Variants in OGDH observed in about 807,000 individuals in gnomAD.
OGDH encodes oxoglutarate dehydrogenase.
In OGDH, 38 loss-of-function variants were observed where a neutral mutation model predicts 116.6. That is an observed-to-expected ratio of 0.33 (90% CI 0.25 to 0.43). The LOEUF (loss-of-function observed/expected upper bound fraction) is 0.43. Among genes scored for constraint, OGDH ranks in the 20% least tolerant of loss-of-function variants. OGDH has a pLI of 1.00. For synonymous variants in OGDH, 488 were observed against 533.3 expected (o/e 0.92, Z 1.17); for missense variants, 825 against 1,357.2 (o/e 0.61, Z 6.16).
At chr7:44,650,163 A>C (rs1404402306) in intron 4 of OGDH, among the ~76,000 whole-genome samples, 1 of 152,188 alleles carries the variant, frequency 6.6e-6, no homozygotes, top group Admixed American at 6.5e-5. Flanking sequence ...TCAGGTACAA[A>C]AAATGGAAAC....
intron 9 of OGDH, among the ~76,000 whole-genome samples, chr7:44,677,470 G>A (rs565666220): frequency 3.9e-5 from 6 of 152,270 alleles, no homozygotes; most frequent in African/African-American, 1.4e-4. Flanking sequence ...ATGTTTTCTG[G>A]AGATGAAAGG....
At chr7:44,671,767 CA>C (rs758716419) in intron 5 of OGDH, among the ~76,000 whole-genome samples, 4,992 of 51,226 alleles carry the variant, frequency 0.097, 86 homozygotes, top group East Asian at 0.17. Context: ...GACTGCGTCT[CA>C]AAAAAAAAAA....
Position 44,632,897 on chromosome 7 carries a change from T to G in OGDH, c.222+8332T>G, listed in dbSNP as rs951020338. Among the ~76,000 whole-genome samples the G allele has an allele frequency of 4.0e-5, 6 of 151,790 alleles. No individual in the cohort carries two copies. The South Asian group carries it at 6.2e-4, about 16-fold the overall frequency. The stretch of plus-strand genomic sequence containing the variant: ...GTTTTTAATGATTATCCTTTTGTAC[T>G]GTACTTTAAGAAAAAAAAAATTTTG... On this transcript the variant is annotated intron_variant, in intron 2 of 22. Transcript: ENST00000222673.
intron 1 of OGDH, among the ~76,000 whole-genome samples, chr7:44,621,464 G>T (rs1017138536): frequency 5.3e-5 from 8 of 152,340 alleles, no homozygotes; most frequent in African/African-American, 1.7e-4. Context: ...TGTTGGCTCT[G>T]TCGTTCTGTC....
intron 10 of OGDH, among the ~76,000 whole-genome samples, chr7:44,691,981 T>TAAAAAAAAAAAAAA (rs371665967): frequency 3.9e-5 from 4 of 102,608 alleles, no homozygotes; most frequent in African/African-American, 1.8e-4. Context: ...GACTCTGTCT[T>TAAAAAAAAAAAAAA]AAAAAAAAAA....
intron 2 of OGDH, among the ~76,000 whole-genome samples, chr7:44,640,119 T>A (rs896684940): frequency 1.3e-5 from 2 of 152,216 alleles, no homozygotes; most frequent in African/African-American, 2.4e-5. Context: ...GACCCTGACC[T>A]TGTGATCCCA....
At position 44,692,589 on chromosome 7, in the gene OGDH, G is replaced by A. The variant is rs749171884; in HGVS notation, c.1336-1236G>A. 3.3e-5 allele frequency among the ~76,000 whole-genome samples: 5 copies of A among 152,214 alleles called. No homozygotes were observed. The East Asian group carries it at 9.6e-4, about 29-fold the overall frequency. On this transcript the variant is annotated intron_variant, in intron 10 of 22. Coordinates refer to ENST00000222673, the MANE Select transcript of OGDH (RefSeq NM_002541.4). ...AACCGTTGGGATTTGTTCATGTTAG[G>A]TGAAGGCGTTAAGGATGAGCAGTGT...
At chr7:44,680,251 TTCTC>T (rs1440476864) in intron 9 of OGDH, among the ~76,000 whole-genome samples, 1 of 152,110 alleles carries the variant, frequency 6.6e-6, no homozygotes, top group Admixed American at 6.6e-5. Flanking sequence ...AAGAAAATCA[TTCTC>T]TCTCTCCCTC....
rs200113572 is a variant in OGDH, at chr7:44,624,291, G to GTTT, written c.-27-9_-27-7dup. The stretch of plus-strand genomic sequence containing the variant: ...CTCATTTTTAAAACCTTTCTTTCTT[G>GTTT]TTTTTTTTTTTTTTTTTTTGTACAG... On this transcript the variant is annotated intron_variant, in intron 1 of 22. Transcript: ENST00000222673. 1,122 of 760,026 alleles carry GTTT rather than the reference G, an allele frequency of 1.5e-3. 160 individuals are homozygous for GTTT. Among genetic ancestry groups the GTTT allele is most frequent in the South Asian group, 2.4e-3 (143 of 60,766 alleles). 47.1% of individuals were successfully genotyped at this position (760,026 alleles called of 1,614,324 possible).
intron 1 of OGDH, among the ~76,000 whole-genome samples, chr7:44,621,399 T>C (rs964005930): frequency 3.9e-5 from 6 of 152,168 alleles, no homozygotes; most frequent in African/African-American, 1.4e-4. Context: ...TGCCGTTTTA[T>C]GTAAGAGAGA....
intron 14 of OGDH, 58 bp downstream of exon 14, chr7:44,696,615 T>G: frequency 6.3e-7 from 1 of 1,599,952 alleles, no homozygotes; most frequent in Non-Finnish European, 8.5e-7. Flanking sequence ...GGGCGACGAC[T>G]GTCTAGGACT....
chr7:44,700,034 A>G, intron 18 of OGDH, 107 bp from the exon 19 acceptor site: 1 of 1,223,834 alleles, frequency 8.2e-7, no homozygotes, highest in Admixed American at 2.0e-5. Context: ...TCAACATGAG[A>G]TTTGGGCAGG....
At chr7:44,695,044 G>A (rs890714764) in intron 12 of OGDH, among the ~76,000 whole-genome samples, 31 of 152,134 alleles carry the variant, frequency 2.0e-4, no homozygotes, top group African/African-American at 7.0e-4. Flanking sequence ...AGAACAACCT[G>A]ATAGCCTGTA....
chr7:44,608,656 G>A (rs1245067855), intron 1 of OGDH, among the ~76,000 whole-genome samples: 1 of 152,106 alleles, frequency 6.6e-6, no homozygotes, highest in African/African-American at 2.4e-5. Context: ...AGGAGGCAGA[G>A]GTTGCAGCGA....
In OGDH at chr7:44,707,879, G is replaced by T. The variant is rs1258691593; in HGVS notation, c.2952G>T (p.Trp984Cys). 1.2e-6 allele frequency: 2 copies of T among 1,612,502 alleles called. No individual in the cohort carries two copies. Among genetic ancestry groups the T allele is most frequent in the African/African-American group, 2.7e-5 (2 of 74,894 alleles). The change falls in exon 23 of 23, where the codon TGG becomes TGT. Residue 984 changes from tryptophan to cysteine, a missense_variant and splice_region_variant. Physicochemically the swap from Trp to Cys is radical, Grantham distance 215. Around this residue, in one of 7 missense-constraint regions of OGDH, gnomAD observed 212 missense variants for 284.3 expected, o/e 0.75. Transcript: ENST00000222673. This position sits in a 1 kb window ranked among gnomAD's most constrained non-coding sequence, Gnocchi z 5.2. The stretch of plus-strand genomic sequence containing the variant: ...ACTGCCCCCTCCCTCCATCTCTCAG[G>T]TATGCCGGCCGGGACCCAGCGGCTG... ...RTTISRAKPVWYAGRDPAAAP... is the reference protein window; with the variant it reads ...RTTISRAKPVCYAGRDPAAAP...
intron 10 of OGDH, among the ~76,000 whole-genome samples, chr7:44,692,940 C>T (rs1273363958): frequency 6.6e-6 from 1 of 151,124 alleles, no homozygotes; most frequent in Non-Finnish European, 1.5e-5. Context: ...AGAAGGCTGG[C>T]ATGAGAGGTG....
intron 10 of OGDH, among the ~76,000 whole-genome samples, chr7:44,687,091 A>ATTTTTTTTTTTT (rs59074567): frequency 4.5e-3 from 426 of 95,448 alleles, no homozygotes; most frequent in East Asian, 7.6e-3. Flanking sequence ...ATTTTTTTTA[A>ATTTTTTTTTTTT]TTTTTTTTTT....
Position 44,697,128 on chromosome 7 carries a change from GT to G in OGDH, c.2051+65del. 1 of 1,572,708 alleles carries G rather than the reference GT, an allele frequency of 6.4e-7. No individual in the cohort carries two copies. Reference sequence around the variant, plus strand: ...AGAAGATGGAAAGGGAGGGGTTCTGGTGTTTCTTTTCCGGAAGACGGTTAGA... The same window carrying G: ...AGAAGATGGAAAGGGAGGGGTTCTGGGTTTCTTTTCCGGAAGACGGTTAGA... On this transcript the variant is annotated intron_variant, in intron 15 of 22. Transcript: ENST00000222673. The surrounding 1 kb of genome is among the most constrained non-coding windows in gnomAD (Gnocchi z 6.0).
At chr7:44,705,077 G>C (rs1363064835) in intron 20 of OGDH, among the ~76,000 whole-genome samples, 2 of 94,118 alleles carry the variant, frequency 2.1e-5, no homozygotes, top group Non-Finnish European at 3.5e-5. Context: ...TTTTGAGACG[G>C]AGTCTCGCTC....
Sources: allele counts gnomAD v4.1 joint callset (sites outside exome capture counted in the v4.1 genomes callset), GRCh38; gene constraint gnomAD v4.1.1; regional missense constraint gnomAD v4.1.1; non-coding constraint Gnocchi (gnomAD v3.1); transcripts MANE v1.5; gene names NCBI Gene and HGNC (gene_info 2026-07-23, HGNC 2026-07-21).